The following EDEM3 variants were observed in gnomAD, a reference collection of about 807,000 sequenced individuals.
The protein encoded by EDEM3 is ER degradation-enhancing alpha-mannosidase-like protein 3.
In EDEM3, 60 loss-of-function variants were observed where a neutral mutation model predicts 110.2. The observed-to-expected ratio is 0.54, with a 90% confidence interval of 0.44 to 0.67. The LOEUF (loss-of-function observed/expected upper bound fraction) is 0.67, where lower values mean the gene tolerates loss of function less well. Ranked by LOEUF, EDEM3 falls within the 30% of genes least tolerant of loss-of-function variation. EDEM3 has a pLI of 0.00. For synonymous variants in EDEM3, 352 were observed against 382.9 expected, an observed-to-expected ratio of 0.92 and a Z score of 0.94; for missense variants, 996 against 1,121.0, an observed-to-expected ratio of 0.89 and a Z score of 1.59.
At position 184,705,131 on chromosome 1, in the gene EDEM3, CTT is replaced by C. The variant is rs539464477; in HGVS notation, c.2203+1510_2203+1511del. 2.1e-3 allele frequency among the ~76,000 whole-genome samples: 312 copies of C among 152,154 alleles called. 1 individual carries two copies. The highest frequency in any genetic ancestry group is 7.1e-3 in the African/African-American group (296 of 41,544). ...ACTATAGAAGATCATGAGAATTAGA[CTT>C]CACTGAAAAATATAAAAAACCAAAA... On this transcript the variant is annotated intron_variant, in intron 18 of 19. Transcript: ENST00000318130.
chr1:184,747,509 C>A (rs536021258), intron 2 of EDEM3, among the ~76,000 whole-genome samples: 2 of 152,248 alleles, frequency 1.3e-5, no homozygotes, highest in African/African-American at 4.8e-5. Flanking sequence ...GGGTTACAGA[C>A]CTCACACAGA....
At chr1:184,717,038 A>AAT (rs768419556) in intron 12 of EDEM3, 26 bp from the exon 13 acceptor site, 10 of 1,529,322 alleles carry the variant, frequency 6.5e-6, no homozygotes, top group Non-Finnish European at 9.0e-6. Context: ...ATATATGTAT[A>AAT]ATATATATAG....
chr1:184,744,074 T>G (rs2102129235), intron 2 of EDEM3, among the ~76,000 whole-genome samples: 1 of 151,304 alleles, frequency 6.6e-6, no homozygotes, highest in East Asian at 1.9e-4. Context: ...AAGAGAAAAA[T>G]AATAAACTGG....
chr1:184,704,579 G>A (rs1297396692), intron 18 of EDEM3, among the ~76,000 whole-genome samples: 2 of 143,098 alleles, frequency 1.4e-5, no homozygotes, highest in Non-Finnish European at 3.0e-5. Flanking sequence ...TAAACCTAGA[G>A]GTGGAGGTTG....
At chr1:184,697,059 G>T (rs1649369679) in intron 19 of EDEM3, among the ~76,000 whole-genome samples, 1 of 151,542 alleles carries the variant, frequency 6.6e-6, no homozygotes, top group Admixed American at 6.6e-5. Context: ...AAAAAAATTT[G>T]GTAAGAAGAC....
rs575387978 is a variant in EDEM3 at position 184,733,319 on chromosome 1, T to G, written c.459-329A>C. Among the ~76,000 whole-genome samples the G allele has an allele frequency of 2.6e-5, 4 of 152,322 alleles. No homozygotes were observed. In the South Asian group the frequency reaches 8.3e-4, roughly 32 times the overall value. On this transcript the variant is annotated intron_variant, in intron 5 of 19. Coordinates refer to ENST00000318130, the MANE Select transcript of EDEM3 (RefSeq NM_025191.4). ...AACTTTAAATTTAAAAATTTAGTTG[T>G]ATCACCATGAAGTCTTTAACTTAGA...
At chr1:184,730,727 G>C (rs1651463776) in intron 6 of EDEM3, among the ~76,000 whole-genome samples, 2 of 152,152 alleles carry the variant, frequency 1.3e-5, no homozygotes, top group African/African-American at 2.4e-5. Flanking sequence ...GATAGGTAAA[G>C]CATTGCCCTA....
At position 184,693,964 on chromosome 1, in the gene EDEM3, A is replaced by G; in HGVS notation, c.*99T>C. The G allele has an allele frequency of 7.8e-7, 1 of 1,280,766 alleles. No homozygotes were observed. Among genetic ancestry groups the G allele is most frequent in the South Asian group, 1.5e-5 (1 of 66,432 alleles). 79.3% of individuals were successfully genotyped at this position (1,280,766 alleles called of 1,614,324 possible). A position where few individuals can be genotyped will look rare whatever the true frequency, so the allele number is the denominator to read the frequency against. On this transcript the variant is annotated 3_prime_UTR_variant, in exon 20 of 20. Coordinates refer to ENST00000318130, the MANE Select transcript of EDEM3 (RefSeq NM_025191.4). ...CGTGGTTGTTCATCACCATACTTAA[A>G]GCCTCCCATTAGAAAGCCTGCTTAG... is the stretch of plus-strand genomic sequence containing the variant.
At chr1:184,708,916 T>C (rs1474203836) in intron 16 of EDEM3, among the ~76,000 whole-genome samples, 1 of 152,162 alleles carries the variant, frequency 6.6e-6, no homozygotes, top group African/African-American at 2.4e-5. Context: ...TGCTTGTGTG[T>C]ACCTGGGAAA....
At chr1:184,721,178 C>T in intron 9 of EDEM3, 111 bp downstream of exon 9, 1 of 830,374 alleles carries the variant, frequency 1.2e-6, no homozygotes, top group Non-Finnish European at 1.9e-6. Flanking sequence ...GACACAAAAC[C>T]ACTACACATT....
intron 8 of EDEM3, 140 bp downstream of exon 8, chr1:184,723,610 TA>T: frequency 2.9e-6 from 2 of 700,974 alleles, no homozygotes; most frequent in Non-Finnish European, 4.6e-6. Context: ...AAAATCTGGC[TA>T]AATTAATTAA....
In EDEM3 at chr1:184,702,789, AC is replaced by A. The variant is rs557064341; in HGVS notation, c.2389+21del. 7.7e-4 allele frequency: 1,153 copies of A among 1,504,200 alleles called. 1 individual carries two copies. In the African/African-American group the frequency reaches 0.01, roughly 13 times the overall value. 93.2% of individuals were successfully genotyped at this position (1,504,200 alleles called of 1,614,324 possible). ...AATTAATATTACGCTGCATAAAAAA[AC>A]AAATGGTATTTTACTCTTACCTCGA... On this transcript the variant is annotated intron_variant, in intron 19 of 19. Coordinates refer to ENST00000318130, the MANE Select transcript of EDEM3 (RefSeq NM_025191.4).
chr1:184,734,447 A>G (rs1395091393), intron 5 of EDEM3, 84 bp downstream of exon 5: 2 of 465,730 alleles, frequency 4.3e-6, no homozygotes, highest in Non-Finnish European at 6.5e-6. Flanking sequence ...AGCCTGGGTG[A>G]CTGAGCAAGA....
Position 184,708,152 on chromosome 1 carries a change from C to G in EDEM3, c.2037+1G>C. 6.2e-7 allele frequency: 1 copy of G among 1,607,680 alleles called. No individual in the cohort carries two copies. Among genetic ancestry groups the G allele is most frequent in the Non-Finnish European group, 8.5e-7 (1 of 1,177,442 alleles). On this transcript the variant is annotated splice_donor_variant, in intron 17 of 19. Transcript: ENST00000318130. LOFTEE classifies it high-confidence loss of function. ...AACAACTATATTTTAAGTATACATA[C>G]CTCTTTATGTTTAGACAGATCCAGC...
chr1:184,743,104 G>A (rs891766355), intron 2 of EDEM3, among the ~76,000 whole-genome samples: 1 of 152,104 alleles, frequency 6.6e-6, no homozygotes, highest in African/African-American at 2.4e-5. Context: ...TTGCAACCCA[G>A]AATAATCAAA....
intron 2 of EDEM3, among the ~76,000 whole-genome samples, chr1:184,740,160 A>C (rs1652057267): frequency 6.6e-6 from 1 of 152,210 alleles, no homozygotes; most frequent in African/African-American, 2.4e-5. Context: ...TAAAATTAAT[A>C]AAATATAATT....
At chr1:184,732,300 T>C (rs1231856951) in intron 6 of EDEM3, among the ~76,000 whole-genome samples, 2 of 152,068 alleles carry the variant, frequency 1.3e-5, no homozygotes, top group East Asian at 3.9e-4. Flanking sequence ...ACAATGGTTA[T>C]CAGAGGCTGG....
chr1:184,711,159 C>T (rs185434966), intron 15 of EDEM3, among the ~76,000 whole-genome samples: 3 of 151,968 alleles, frequency 2.0e-5, no homozygotes, highest in South Asian at 2.1e-4. Flanking sequence ...AGTGCAATGG[C>T]GTGATCTTGG....
At chr1:184,742,283 G>A (rs1652188094) in intron 2 of EDEM3, among the ~76,000 whole-genome samples, 1 of 152,116 alleles carries the variant, frequency 6.6e-6, no homozygotes, top group African/African-American at 2.4e-5. Context: ...CCTGGGTAGA[G>A]GATTCTAGGC....
Sources: gnomAD v4.1 joint callset for allele counts (sites outside exome capture counted in the v4.1 genomes callset) on GRCh38, gnomAD v4.1.1 for gene constraint, MANE v1.5 for transcripts, NCBI Gene and HGNC (gene_info 2026-07-23, HGNC 2026-07-21) for gene names.